PSD3: variants seen among roughly 807,000 people sequenced by gnomAD.
PSD3 encodes the protein pleckstrin and Sec7 domain containing 3.
Under a neutral mutation model 105.5 loss-of-function variants are expected in PSD3, and 49 were observed. The observed-to-expected ratio is 0.46, with a 90% CI of 0.37 to 0.59. The LOEUF (loss-of-function observed/expected upper bound fraction) is 0.59. Ranked by LOEUF, PSD3 falls within the 20% of genes least tolerant of loss-of-function variation. PSD3 has a pLI of 0.00. For missense variants in PSD3, 1,561 were observed against 1,263.8 expected (o/e 1.24, Z -3.57); for synonymous variants, 557 against 457.8 (o/e 1.22, Z -2.77).
chr8:18,829,113 G>A (rs1813466012), intron 4 of PSD3, among the ~76,000 whole-genome samples: 1 of 151,994 alleles, frequency 6.6e-6, no homozygotes, highest in African/African-American at 2.4e-5. Flanking sequence ...TGGGCATGGT[G>A]GCATGTGTCT....
intron 1 of PSD3, among the ~76,000 whole-genome samples, chr8:18,995,440 A>T (rs2129473850): frequency 6.6e-6 from 1 of 152,200 alleles, no homozygotes; most frequent in South Asian, 2.1e-4. Context: ...TGTTGTTCTG[A>T]GTCTGAAAGT....
At chr8:18,689,288 T>C (rs922197090) in intron 9 of PSD3, among the ~76,000 whole-genome samples, 1 of 152,160 alleles carries the variant, frequency 6.6e-6, no homozygotes, top group Admixed American at 6.5e-5. Context: ...ATAATTATAA[T>C]GATGAATATC....
At chr8:18,942,088 A>T (rs1586486333) in intron 1 of PSD3, among the ~76,000 whole-genome samples, 2 of 152,102 alleles carry the variant, frequency 1.3e-5, no homozygotes, top group Admixed American at 6.6e-5. Context: ...TTGGGAAGGG[A>T]ATGATGGGGC....
intron 2 of PSD3, among the ~76,000 whole-genome samples, chr8:18,878,988 C>T (rs1372781254): frequency 6.6e-6 from 1 of 151,600 alleles, no homozygotes. Flanking sequence ...CTTGGGAGCC[C>T]GCTTTGCTTT....
At chr8:18,654,828 T>G (rs1218853091) in intron 10 of PSD3, among the ~76,000 whole-genome samples, 1 of 152,172 alleles carries the variant, frequency 6.6e-6, no homozygotes, top group East Asian at 1.9e-4. Context: ...CTTTTTTTGG[T>G]TGCTGTTGTT....
intron 9 of PSD3, among the ~76,000 whole-genome samples, chr8:18,725,499 C>G: frequency 6.6e-6 from 1 of 152,260 alleles, no homozygotes; most frequent in East Asian, 1.9e-4. Context: ...TCTGGAACCA[C>G]TGGGGACAAT....
At chr8:19,066,593 T>C (rs1829082573) in intron 1 of PSD3, among the ~76,000 whole-genome samples, 1 of 152,220 alleles carries the variant, frequency 6.6e-6, no homozygotes, top group Admixed American at 6.5e-5. Context: ...CCACAGTCAA[T>C]ACAGAACCTG....
intron 6 of PSD3, among the ~76,000 whole-genome samples, chr8:18,803,628 T>C (rs1457295271): frequency 6.6e-6 from 1 of 152,114 alleles, no homozygotes; most frequent in Non-Finnish European, 1.5e-5. Flanking sequence ...GACATTCTGA[T>C]ATATGCTACA....
At chr8:19,080,187 C>A (rs1291437402) in intron 1 of PSD3, among the ~76,000 whole-genome samples, 2 of 152,156 alleles carry the variant, frequency 1.3e-5, no homozygotes, top group Non-Finnish European at 2.9e-5. Flanking sequence ...CCGCGCCTGG[C>A]CAAAATAAAT....
At chr8:18,718,270 A>G (rs913426660) in intron 9 of PSD3, among the ~76,000 whole-genome samples, 2 of 152,244 alleles carry the variant, frequency 1.3e-5, no homozygotes, top group Non-Finnish European at 2.9e-5. Context: ...ACATTCATCT[A>G]GAATCACAGC....
At chr8:18,786,128 C>T (rs907548584) in intron 8 of PSD3, among the ~76,000 whole-genome samples, 7 of 152,098 alleles carry the variant, frequency 4.6e-5, no homozygotes, top group Admixed American at 6.6e-5. Flanking sequence ...GACGTGAACC[C>T]GGGAGGTGGA....
chr8:18,942,749 G>A (rs920495230), intron 1 of PSD3, among the ~76,000 whole-genome samples: 5 of 152,144 alleles, frequency 3.3e-5, no homozygotes, highest in East Asian at 1.9e-4. Flanking sequence ...CTTTGATCTC[G>A]AATTTCTACT....
At chr8:18,674,315 G>C (rs1585580468) in intron 9 of PSD3, among the ~76,000 whole-genome samples, 1 of 152,214 alleles carries the variant, frequency 6.6e-6, no homozygotes, top group East Asian at 1.9e-4. Flanking sequence ...CCTGCGTTCT[G>C]TGGGGACAGA....
chr8:18,816,849 C>T (rs1812260196), intron 4 of PSD3, among the ~76,000 whole-genome samples: 1 of 100,222 alleles, frequency 1.0e-5, no homozygotes, highest in Non-Finnish European at 2.2e-5. Flanking sequence ...GGAGTTTACA[C>T]TCAGACAGTG....
chr8:18,836,080 G>T (rs1435255652), intron 4 of PSD3, among the ~76,000 whole-genome samples: 4 of 152,160 alleles, frequency 2.6e-5, no homozygotes, highest in Admixed American at 6.5e-5. Flanking sequence ...GTATTTTGAA[G>T]GTAGAGCTGA....
intron 14 of PSD3, among the ~76,000 whole-genome samples, chr8:18,562,921 AAAAGAAAAAGAAAAAAC>A (rs1801490106): frequency 1.2e-3 from 2 of 1,674 alleles, no homozygotes; most frequent in Admixed American, 0.022. Context: ...AAGAAAAAGA[AAAAGAAAAAGAAAAAAC>A]AAAAACAAAA....
intron 11 of PSD3, among the ~76,000 whole-genome samples, chr8:18,607,090 A>G (rs1290216920): frequency 1.3e-5 from 2 of 152,102 alleles, no homozygotes; most frequent in Non-Finnish European, 2.9e-5. Context: ...TCGGTCTGCT[A>G]CTCCTGTGAG....
At chr8:19,036,606 G>A (rs546159999) in intron 1 of PSD3, among the ~76,000 whole-genome samples, 37 of 152,318 alleles carry the variant, frequency 2.4e-4, no homozygotes, top group African/African-American at 8.9e-4. Flanking sequence ...CAGATGGAGT[G>A]AATGGGCTGG....
chr8:18,678,753 G>A lies in PSD3; in HGVS notation c.2173-23068C>T, dbSNP rs556104040. Among the ~76,000 whole-genome samples, 4 of 152,202 alleles carry A rather than the reference G, an allele frequency of 2.6e-5. No individual in the cohort carries two copies. In the East Asian group the frequency reaches 5.8e-4, roughly 22 times the overall value. ...CTCGAATCTGGGAGGCAGAGGTTGCGGTGAGCCGAGATTGTGCCATTGCAC... is the reference window on the plus strand; with the variant it reads ...CTCGAATCTGGGAGGCAGAGGTTGCAGTGAGCCGAGATTGTGCCATTGCAC... On this transcript the variant is annotated intron_variant, in intron 9 of 15. Coordinates refer to ENST00000327040, the MANE Select transcript of PSD3 (RefSeq NM_015310.4).
Sources: allele counts gnomAD v4.1 joint callset (sites outside exome capture counted in the v4.1 genomes callset), GRCh38; gene constraint gnomAD v4.1.1; transcripts MANE v1.5; gene names NCBI Gene and HGNC (gene_info 2026-07-23, HGNC 2026-07-21).